The following FBXL20 variants were observed in gnomAD, a reference collection of about 807,000 sequenced individuals.
The protein encoded by FBXL20 is F-box/LRR-repeat protein 20.
Under a neutral mutation model 64.0 loss-of-function variants are expected in FBXL20, and 11 were observed. The ratio of observed to expected loss-of-function variants is 0.17; its 90% CI spans 0.11 to 0.28. The LOEUF (loss-of-function observed/expected upper bound fraction) is 0.28. Ranked by LOEUF, FBXL20 falls within the 10% of genes least tolerant of loss-of-function variation. FBXL20 has a pLI of 1.00. For synonymous variants in FBXL20, 184 were observed against 189.0 expected, an observed-to-expected ratio of 0.97 and a Z score of 0.22; for missense variants, 303 against 526.2, an observed-to-expected ratio of 0.58 and a Z score of 4.15.
intron 10 of FBXL20, among the ~76,000 whole-genome samples, chr17:39,272,214 G>A (rs1215871293): frequency 1.3e-5 from 2 of 151,622 alleles, no homozygotes; most frequent in Non-Finnish European, 2.9e-5. Flanking sequence ...GTGAAACCCC[G>A]TCTCTACTAA....
intron 8 of FBXL20, among the ~76,000 whole-genome samples, chr17:39,282,120 T>C (rs2046954722): frequency 6.6e-6 from 1 of 152,158 alleles, no homozygotes; most frequent in South Asian, 2.1e-4. Flanking sequence ...TTAGTAACCA[T>C]TAATAAAATA....
intron 11 of FBXL20, 77 bp downstream of exon 11, chr17:39,270,719 C>T: frequency 8.0e-7 from 1 of 1,247,182 alleles, no homozygotes; most frequent in Non-Finnish European, 1.1e-6. Context: ...ATTTCCCTTG[C>T]TGCTTGTTCT....
intron 1 of FBXL20, among the ~76,000 whole-genome samples, chr17:39,394,751 G>A (rs539267486): frequency 1.3e-4 from 20 of 151,860 alleles, no homozygotes; most frequent in African/African-American, 4.6e-4. Flanking sequence ...TAGAGACAGG[G>A]TTTCACCATG....
chr17:39,290,241 T>C (rs959780140), intron 6 of FBXL20, among the ~76,000 whole-genome samples: 2 of 152,092 alleles, frequency 1.3e-5, no homozygotes, highest in Non-Finnish European at 2.9e-5. Context: ...TATACAGAAA[T>C]AGAATTGAGT....
chr17:39,307,832 G>A (rs1441241091), intron 2 of FBXL20, among the ~76,000 whole-genome samples: 1 of 151,926 alleles, frequency 6.6e-6, no homozygotes, highest in African/African-American at 2.4e-5. Flanking sequence ...CTAGCTGGGT[G>A]TGGTGGCAAG....
At chr17:39,289,998 CAAAAAAAAAAAA>C (rs368530587) in intron 6 of FBXL20, among the ~76,000 whole-genome samples, 12,010 of 42,012 alleles carry the variant, frequency 0.29, 620 homozygotes, top group Middle Eastern at 0.35. Context: ...GACTCAGTCT[CAAAAAAAAAAAA>C]AAAAAAAAAA....
At chr17:39,369,475 C>T (rs959764692) in intron 1 of FBXL20, among the ~76,000 whole-genome samples, 6 of 151,764 alleles carry the variant, frequency 4.0e-5, no homozygotes, top group Non-Finnish European at 7.4e-5. Context: ...AGGCTGGTCT[C>T]GAACTCCTGA....
At chr17:39,332,830 C>T (rs577918067) in intron 2 of FBXL20, among the ~76,000 whole-genome samples, 3 of 152,146 alleles carry the variant, frequency 2.0e-5, no homozygotes, top group Non-Finnish European at 2.9e-5. Flanking sequence ...CATGAGCCAC[C>T]GTGCCCAGCT....
intron 2 of FBXL20, among the ~76,000 whole-genome samples, chr17:39,308,838 T>C (rs888264964): frequency 2.0e-5 from 3 of 152,138 alleles, no homozygotes; most frequent in Non-Finnish European, 4.4e-5. Flanking sequence ...GTGCTGGGAT[T>C]ACAGGAGTGA....
intron 2 of FBXL20, among the ~76,000 whole-genome samples, chr17:39,331,267 AT>A (rs2047457979): frequency 6.6e-6 from 1 of 151,998 alleles, no homozygotes; most frequent in African/African-American, 2.4e-5. Context: ...TGCCCGGCTA[AT>A]TTTTGTATTT....
chr17:39,279,251 C>T (rs975549020), intron 9 of FBXL20, among the ~76,000 whole-genome samples: 1 of 152,158 alleles, frequency 6.6e-6, no homozygotes, highest in Non-Finnish European at 1.5e-5. Flanking sequence ...GTAATCCCAG[C>T]ACTTTGCGAG....
At chr17:39,393,315 ATAAT>A (rs1393229121) in intron 1 of FBXL20, among the ~76,000 whole-genome samples, 3 of 151,820 alleles carry the variant, frequency 2.0e-5, no homozygotes, top group Non-Finnish European at 4.4e-5. Context: ...AATAATAATA[ATAAT>A]TAAATAAATA....
chr17:39,326,995 C>T (rs1227227779), intron 2 of FBXL20, among the ~76,000 whole-genome samples: 1 of 151,946 alleles, frequency 6.6e-6, no homozygotes, highest in Non-Finnish European at 1.5e-5. Context: ...ATTGTCCTGC[C>T]TCAGCCTCCC....
At chr17:39,332,054 TGTATG>T in intron 2 of FBXL20, among the ~76,000 whole-genome samples, 1 of 152,214 alleles carries the variant, frequency 6.6e-6, no homozygotes, top group African/African-American at 2.4e-5. Flanking sequence ...TAACAGCAAG[TGTATG>T]ACAGAATCCA....
intron 1 of FBXL20, among the ~76,000 whole-genome samples, chr17:39,392,201 A>T (rs1401046269): frequency 6.6e-6 from 1 of 152,198 alleles, no homozygotes; most frequent in Non-Finnish European, 1.5e-5. Context: ...GCACTTTGGG[A>T]GGCCAAGGCA....
Position 39,261,168 on chromosome 17 carries a change from T to C in FBXL20, c.*292A>G. On this transcript the variant is annotated 3_prime_UTR_variant, in exon 15 of 15. Transcript: ENST00000264658. ...CGGGGTTTGCTGGAATGCCCCTCCC[T>C]ATCTTGGCCTATGATTTTCTTATGG... 3.2e-6 allele frequency: 1 copy of C among 312,912 alleles called. No individual in the cohort carries two copies. Among genetic ancestry groups the C allele is most frequent in the Non-Finnish European group, 6.1e-6 (1 of 164,468 alleles). 19.4% of individuals were successfully genotyped at this position (312,912 alleles called of 1,614,324 possible). A position where few individuals can be genotyped will look rare whatever the true frequency, so the allele number is the denominator to read the frequency against.
intron 2 of FBXL20, among the ~76,000 whole-genome samples, chr17:39,333,738 G>A (rs1189559392): frequency 6.6e-6 from 1 of 150,886 alleles, no homozygotes; most frequent in Non-Finnish European, 1.5e-5. Flanking sequence ...TGGGATGTGG[G>A]GAGCGCCTCT....
At chr17:39,331,630 T>G (rs2047462303) in intron 2 of FBXL20, among the ~76,000 whole-genome samples, 1 of 152,214 alleles carries the variant, frequency 6.6e-6, no homozygotes, top group Non-Finnish European at 1.5e-5. Context: ...ATTGTTTATT[T>G]CTATCTTCAG....
chr17:39,397,716 G>C (rs894159234), intron 1 of FBXL20, among the ~76,000 whole-genome samples: 1 of 151,912 alleles, frequency 6.6e-6, no homozygotes, highest in Non-Finnish European at 1.5e-5. Context: ...TTGGGAGGCC[G>C]GCGAAAGGAT....
Sources: allele counts gnomAD v4.1 joint callset (sites outside exome capture counted in the v4.1 genomes callset), GRCh38; gene constraint gnomAD v4.1.1; transcripts MANE v1.5; gene names NCBI Gene and HGNC (gene_info 2026-07-23, HGNC 2026-07-21).